Variants in LINGO2 observed in about 807,000 individuals in gnomAD.
The protein encoded by LINGO2 is leucine rich repeat and Ig domain containing 2, also known as leucine-rich repeat and immunoglobulin-like domain-containing nogo receptor-interacting protein 2.
Under a neutral mutation model 30.6 loss-of-function variants are expected in LINGO2, and 14 were observed. The observed-to-expected ratio is 0.46, with a 90% confidence interval of 0.30 to 0.72. The LOEUF (loss-of-function observed/expected upper bound fraction) is 0.72. LINGO2 is among the 30% of genes least tolerant of loss of function. The pLI is 0.07. For synonymous variants in LINGO2, 317 were observed against 288.5 expected, an observed-to-expected ratio of 1.10 and a Z score of -1.00; for missense variants, 729 against 751.7, an observed-to-expected ratio of 0.97 and a Z score of 0.35.
the LINGO2 span, among the ~76,000 whole-genome samples, chr9:28,823,585 T>C: frequency 6.6e-6 from 1 of 152,144 alleles, no homozygotes; most frequent in South Asian, 2.1e-4. Flanking sequence ...GGAGCACTTG[T>C]TTTTGGAATC....
chr9:28,801,811 C>G, the LINGO2 span, among the ~76,000 whole-genome samples: 3 of 152,096 alleles, frequency 2.0e-5, no homozygotes, highest in Admixed American at 6.6e-5. Context: ...CTTGGTAGAA[C>G]AGCCAGAAGT....
the LINGO2 span, among the ~76,000 whole-genome samples, chr9:28,959,488 C>T: frequency 2.6e-5 from 4 of 151,906 alleles, no homozygotes; most frequent in African/African-American, 9.7e-5. Flanking sequence ...AAACTAGATA[C>T]ATGTATAGGA....
chr9:28,062,975 A>G (rs1260685453), intron 4 of LINGO2, among the ~76,000 whole-genome samples: 1 of 151,748 alleles, frequency 6.6e-6, no homozygotes, highest in Non-Finnish European at 1.5e-5. Flanking sequence ...CATTTACTTA[A>G]TATATTTTTA....
chr9:29,099,530 C>G, the LINGO2 span, among the ~76,000 whole-genome samples: 1 of 151,944 alleles, frequency 6.6e-6, no homozygotes, highest in East Asian at 1.9e-4. Flanking sequence ...GCAAAGAACT[C>G]TATATGAAAA....
chr9:28,456,824 G>A lies in LINGO2; in HGVS notation c.-279+19116C>T, dbSNP rs151334630. Among the ~76,000 whole-genome samples the A allele has an allele frequency of 2.4e-4, 36 of 152,248 alleles. No homozygotes were observed. The East Asian group carries it at 5.4e-3, about 23-fold the overall frequency. On this transcript the variant is annotated intron_variant, in intron 2 of 5. Transcript: ENST00000379992. ...TCTTTTTGGAGAAAACTCTTGTGTC[G>A]TTATGAAAGATCACTGGTCCTGCTA...
chr9:28,871,322 T>C, the LINGO2 span, among the ~76,000 whole-genome samples: 1 of 151,596 alleles, frequency 6.6e-6, no homozygotes, highest in Admixed American at 6.6e-5. Flanking sequence ...ACAATATTCA[T>C]AATATAAGCT....
chr9:27,964,205 G>T (rs951718430), intron 5 of LINGO2, among the ~76,000 whole-genome samples: 3 of 152,096 alleles, frequency 2.0e-5, no homozygotes, highest in Non-Finnish European at 4.4e-5. Context: ...CAGCCAAAAT[G>T]AAAGCCAGAC....
At chr9:28,678,301 C>G in the LINGO2 span, among the ~76,000 whole-genome samples, 1 of 152,112 alleles carries the variant, frequency 6.6e-6, no homozygotes, top group Admixed American at 6.6e-5. Context: ...AAAGCCCTTA[C>G]ATGGGCTGTT....
exon 6 of LINGO2, chr9:27,949,237 C>T: frequency 3.1e-6 from 5 of 1,614,050 alleles, no homozygotes; most frequent in African/African-American, 1.3e-5. Flanking sequence ...ACATACATCC[C>T]GCTGTCTTGA....
chr9:28,018,661 A>G (rs1048737150), intron 4 of LINGO2, among the ~76,000 whole-genome samples: 2 of 152,178 alleles, frequency 1.3e-5, no homozygotes, highest in African/African-American at 4.8e-5. Context: ...CACATCAGTC[A>G]GAATGGCTAT....
intron 2 of LINGO2, among the ~76,000 whole-genome samples, chr9:28,439,791 T>C (rs1824115981): frequency 1.3e-5 from 2 of 152,106 alleles, no homozygotes; most frequent in African/African-American, 2.4e-5. Context: ...AGTTTGAAAA[T>C]GGATTAATAC....
chr9:29,047,507 T>C, the LINGO2 span, among the ~76,000 whole-genome samples: 1 of 152,054 alleles, frequency 6.6e-6, no homozygotes, highest in African/African-American at 2.4e-5. Flanking sequence ...GGAAGACCCA[T>C]AGTTAGTATC....
At chr9:28,962,682 C>G in the LINGO2 span, among the ~76,000 whole-genome samples, 1 of 151,696 alleles carries the variant, frequency 6.6e-6, no homozygotes, top group Non-Finnish European at 1.5e-5. Context: ...AGATTTTGCT[C>G]TAAATAATTT....
At chr9:29,086,994 G>A in the LINGO2 span, among the ~76,000 whole-genome samples, 1 of 150,868 alleles carries the variant, frequency 6.6e-6, no homozygotes, top group African/African-American at 2.4e-5. Context: ...TTCTGCCTCA[G>A]CCTCCTGAGT....
intron 4 of LINGO2, among the ~76,000 whole-genome samples, chr9:28,099,887 C>A (rs1340966766): frequency 1.3e-5 from 2 of 152,114 alleles, no homozygotes; most frequent in African/African-American, 4.8e-5. Context: ...TAATGCTGCT[C>A]CCTCTGTCTG....
At chr9:29,208,961 C>G in the LINGO2 span, among the ~76,000 whole-genome samples, 1 of 152,084 alleles carries the variant, frequency 6.6e-6, no homozygotes, top group African/African-American at 2.4e-5. Context: ...GCAACTGTAT[C>G]TGTTGAGTGA....
intron 4 of LINGO2, among the ~76,000 whole-genome samples, chr9:28,055,567 G>C (rs1190941062): frequency 1.3e-5 from 2 of 152,140 alleles, no homozygotes; most frequent in South Asian, 2.1e-4. Context: ...TTCTTCGTTC[G>C]AAGTGTAAGG....
At chr9:28,427,579 T>A (rs961854834) in intron 2 of LINGO2, among the ~76,000 whole-genome samples, 1 of 152,160 alleles carries the variant, frequency 6.6e-6, no homozygotes, top group Non-Finnish European at 1.5e-5. Flanking sequence ...CAGATGGATT[T>A]TTCACAGATT....
intron 4 of LINGO2, among the ~76,000 whole-genome samples, chr9:28,220,344 A>G (rs1820914008): frequency 6.6e-6 from 1 of 152,164 alleles, no homozygotes; most frequent in Non-Finnish European, 1.5e-5. Flanking sequence ...GGCTTTCAGA[A>G]CAGGTTCACC....
Sources: allele counts gnomAD v4.1 joint callset (sites outside exome capture counted in the v4.1 genomes callset), GRCh38; gene constraint gnomAD v4.1.1; transcripts MANE v1.5; gene names NCBI Gene and HGNC (gene_info 2026-07-23, HGNC 2026-07-21).